CBFB: variants seen among roughly 807,000 people sequenced by gnomAD.
CBFB encodes the protein CBF-beta.
In CBFB, 9 loss-of-function variants were observed where a neutral mutation model predicts 30.4. That is an observed-to-expected ratio of 0.30 (90% confidence interval 0.18 to 0.52). CBFB has a LOEUF of 0.52. Ranked by LOEUF, CBFB falls within the 20% of genes least tolerant of loss-of-function variation. The pLI is 0.97. For missense variants in CBFB, 170 were observed against 244.0 expected (o/e 0.70, Z 2.02); for synonymous variants, 94 against 84.0 (o/e 1.12, Z -0.65).
intron 5 of CBFB, among the ~76,000 whole-genome samples, chr16:67,083,108 G>A (rs916020412): frequency 3.3e-5 from 5 of 152,244 alleles, no homozygotes; most frequent in Middle Eastern, 3.4e-3. Context: ...GAGCCCTGGA[G>A]TTTGAGGTTA....
At chr16:67,035,173 T>TC (rs1966422835) in intron 2 of CBFB, among the ~76,000 whole-genome samples, 1 of 152,044 alleles carries the variant, frequency 6.6e-6, no homozygotes, top group South Asian at 2.1e-4. Context: ...AACCTCTGCC[T>TC]CCCAGGTTCA....
intron 4 of CBFB, among the ~76,000 whole-genome samples, chr16:67,079,494 A>G (rs918888256): frequency 1.5e-5 from 2 of 131,188 alleles, no homozygotes; most frequent in African/African-American, 5.6e-5. Context: ...GCACTTAATT[A>G]TGTTATCAGA....
At chr16:67,098,688 A>T (rs777182039) in intron 5 of CBFB, 22 bp from the exon 6 acceptor site, 1 of 1,529,562 alleles carries the variant, frequency 6.5e-7, no homozygotes, top group African/African-American at 1.4e-5. Flanking sequence ...TTTGACCCCA[A>T]ATTATGATTT....
chr16:67,072,473 CT>C lies in CBFB; in HGVS notation c.399+5685del, dbSNP rs892540810. Among the ~76,000 whole-genome samples, 743 of 144,246 alleles carry C rather than the reference CT, an allele frequency of 5.2e-3. 6 individuals carry two copies. Among genetic ancestry groups the C allele is most frequent in the African/African-American group, 0.018 (711 of 39,390 alleles). The allele number at this position is 144,246 out of a possible 152,430, so 94.6% of individuals were successfully genotyped here. On this transcript the variant is annotated intron_variant, in intron 4 of 5. Transcript: ENST00000412916. ...TATGGTCTTGTTTTTCTTTTTTTTTCTTTTTTTTTTCCAGACAGAGTCTTGC... is the reference window on the plus strand; with the variant it reads ...TATGGTCTTGTTTTTCTTTTTTTTTCTTTTTTTTTCCAGACAGAGTCTTGC...
chr16:67,050,224 A>C (rs1966715610), intron 3 of CBFB, among the ~76,000 whole-genome samples: 2 of 147,804 alleles, frequency 1.4e-5, no homozygotes, highest in Admixed American at 1.4e-4. Context: ...TTTATATATC[A>C]CATATTTATA....
In CBFB at chr16:67,048,723, T is replaced by A. The variant is rs1490783383; in HGVS notation, c.282+11968T>A. ...CCGCCACCACGCCTGGCTAATTTTT[T>A]TGTATTTTTTTAGTAGAGACGGGTT... On this transcript the variant is annotated intron_variant, in intron 3 of 5. Transcript: ENST00000412916. Among the ~76,000 whole-genome samples the A allele has an allele frequency of 5.3e-5, 8 of 151,086 alleles. No individual in the cohort carries two copies. In the East Asian group the frequency reaches 7.8e-4, roughly 15 times the overall value.
At chr16:67,087,266 G>T (rs1961759695) in intron 5 of CBFB, among the ~76,000 whole-genome samples, 2 of 152,160 alleles carry the variant, frequency 1.3e-5, no homozygotes, top group South Asian at 4.1e-4. Flanking sequence ...AATTGACTAA[G>T]AATTTTCTAT....
chr16:67,035,533 A>C (rs567017949), intron 2 of CBFB, among the ~76,000 whole-genome samples: 7 of 152,368 alleles, frequency 4.6e-5, no homozygotes, highest in African/African-American at 1.4e-4. Context: ...TGACAAGTGT[A>C]CCGACAGTGC....
At chr16:67,050,409 T>G (rs933252199) in intron 3 of CBFB, among the ~76,000 whole-genome samples, 15 of 151,710 alleles carry the variant, frequency 9.9e-5, no homozygotes, top group Admixed American at 1.3e-4. Context: ...ATATGTGCTG[T>G]TTTTTTCCTA....
At chr16:67,033,633 A>G (rs1293441372) in intron 2 of CBFB, among the ~76,000 whole-genome samples, 2 of 144,466 alleles carry the variant, frequency 1.4e-5, no homozygotes, top group Non-Finnish European at 3.0e-5. Flanking sequence ...TTTTTTTGAG[A>G]CGGAGTCTTG....
Position 67,069,853 on chromosome 16 carries a change from G to A in CBFB, c.399+3055G>A, listed in dbSNP as rs1352804867. ...AAAATGTAAAAGCAGATTGGGTGCAGTGGCTCACACCTGTAATCCCAGCAC... is the reference window on the plus strand; with the variant it reads ...AAAATGTAAAAGCAGATTGGGTGCAATGGCTCACACCTGTAATCCCAGCAC... On this transcript the variant is annotated intron_variant, in intron 4 of 5. Coordinates refer to ENST00000412916, the MANE Select transcript of CBFB (RefSeq NM_022845.3). Among the ~76,000 whole-genome samples the A allele has an allele frequency of 2.6e-5, 4 of 152,206 alleles. No individual in the cohort carries two copies. The East Asian group carries it at 7.7e-4, about 29-fold the overall frequency.
chr16:67,084,113 C>T (rs1961645623), intron 5 of CBFB, among the ~76,000 whole-genome samples: 2 of 130,900 alleles, frequency 1.5e-5, no homozygotes, highest in South Asian at 4.9e-4. Context: ...GCTGCAGGAG[C>T]TATGATCGTG....
In CBFB at chr16:67,086,299, C is replaced by T. The variant is rs564218856; in HGVS notation, c.495+3991C>T. ...GTTCCCTGATGTAGAATGTTCTTTTCTGTCCGTCAAGGCCCAACCTGAATG... is the reference window on the plus strand; with the variant it reads ...GTTCCCTGATGTAGAATGTTCTTTTTTGTCCGTCAAGGCCCAACCTGAATG... On this transcript the variant is annotated intron_variant, in intron 5 of 5. Coordinates refer to ENST00000412916, the MANE Select transcript of CBFB (RefSeq NM_022845.3). 3.3e-5 allele frequency among the ~76,000 whole-genome samples: 5 copies of T among 152,302 alleles called. No homozygotes were observed. The South Asian group carries it at 1.0e-3, about 32-fold the overall frequency.
At chr16:67,052,097 C>G (rs935243465) in intron 3 of CBFB, among the ~76,000 whole-genome samples, 4 of 152,056 alleles carry the variant, frequency 2.6e-5, no homozygotes, top group Non-Finnish European at 4.4e-5. Flanking sequence ...CCAGGCTGGT[C>G]TCGAACTTGT....
intron 4 of CBFB, among the ~76,000 whole-genome samples, chr16:67,069,369 CAA>C (rs770641806): frequency 4.8e-5 from 6 of 123,784 alleles, no homozygotes; most frequent in Non-Finnish European, 3.5e-5. Context: ...GACTTCATCT[CAA>C]AAAAAAAAAA....
chr16:67,037,582 G>A (rs1966463011), intron 3 of CBFB, among the ~76,000 whole-genome samples: 2 of 151,854 alleles, frequency 1.3e-5, no homozygotes, highest in African/African-American at 4.8e-5. Flanking sequence ...TAGAAGTTTA[G>A]GTTAAAGATA....
chr16:67,049,543 G>A (rs1312928579), intron 3 of CBFB, among the ~76,000 whole-genome samples: 1 of 152,098 alleles, frequency 6.6e-6, no homozygotes, highest in Non-Finnish European at 1.5e-5. Context: ...CTCCCAAGCT[G>A]GAATGCAATG....
At chr16:67,049,239 T>G (rs754288335) in intron 3 of CBFB, among the ~76,000 whole-genome samples, 3 of 152,096 alleles carry the variant, frequency 2.0e-5, no homozygotes, top group Non-Finnish European at 4.4e-5. Context: ...CAGAGTCTCT[T>G]GTCTGCCAGG....
chr16:67,097,268 G>A (rs549807917), intron 5 of CBFB, among the ~76,000 whole-genome samples: 9 of 152,004 alleles, frequency 5.9e-5, no homozygotes, highest in South Asian at 2.1e-4. Flanking sequence ...ATCTGGGGCC[G>A]GGCGTGGTGG....
Sources: gnomAD v4.1 joint callset for allele counts (sites outside exome capture counted in the v4.1 genomes callset) on GRCh38, gnomAD v4.1.1 for gene constraint, MANE v1.5 for transcripts, NCBI Gene and HGNC (gene_info 2026-07-23, HGNC 2026-07-21) for gene names.